EXOC4: variants seen among roughly 807,000 people sequenced by gnomAD.
EXOC4 encodes the protein exocyst complex component 4.
EXOC4 carries 71 observed loss-of-function variants against 107.2 expected under a neutral mutation model. The observed-to-expected ratio is 0.66, with a 90% CI of 0.55 to 0.81. The LOEUF is 0.81. Among genes scored for constraint, EXOC4 ranks in the 30% least tolerant of loss-of-function variants. The pLI is 0.00. For missense variants in EXOC4, 1,108 were observed against 1,189.6 expected (o/e 0.93, Z 1.01); for synonymous variants, 456 against 441.2 (o/e 1.03, Z -0.42).
At chr7:133,750,037 A>G (rs1795764167) in intron 10 of EXOC4, among the ~76,000 whole-genome samples, 1 of 149,074 alleles carries the variant, frequency 6.7e-6, no homozygotes. Context: ...CACTGAGACC[A>G]AAATGGGATT....
chr7:134,009,696 G>A (rs1022567669), intron 17 of EXOC4, among the ~76,000 whole-genome samples: 2 of 152,174 alleles, frequency 1.3e-5, no homozygotes, highest in African/African-American at 4.8e-5. Context: ...ACAAGGAGAA[G>A]TTAAGAACAT....
At chr7:133,982,473 A>C (rs1398263064) in intron 14 of EXOC4, among the ~76,000 whole-genome samples, 2 of 152,064 alleles carry the variant, frequency 1.3e-5, no homozygotes, top group East Asian at 3.9e-4. Context: ...AACGGCATGA[A>C]CCCGGGAGGT....
At chr7:134,012,477 A>G (rs758353992) in intron 17 of EXOC4, among the ~76,000 whole-genome samples, 7 of 152,200 alleles carry the variant, frequency 4.6e-5, no homozygotes, top group Non-Finnish European at 1.0e-4. Context: ...TCAAAGCATG[A>G]AGTTTTTATT....
chr7:133,910,367 T>C (rs1799666243), intron 12 of EXOC4, among the ~76,000 whole-genome samples: 1 of 152,216 alleles, frequency 6.6e-6, no homozygotes, highest in African/African-American at 2.4e-5. Context: ...TCCCCAAGAG[T>C]TACCTTCTGT....
chr7:134,087,830 A>G, the EXOC4 span, among the ~76,000 whole-genome samples: 48 of 152,340 alleles, frequency 3.2e-4, no homozygotes, highest in Non-Finnish European at 6.2e-4. Flanking sequence ...ATTTTTATTA[A>G]GACAAATCAT....
intron 10 of EXOC4, among the ~76,000 whole-genome samples, chr7:133,700,492 A>G (rs1794634640): frequency 2.0e-5 from 3 of 152,166 alleles, no homozygotes; most frequent in South Asian, 4.1e-4. Flanking sequence ...AGTTTTGACA[A>G]ATTCCAAAAT....
chr7:133,501,936 T>TATC (rs991286639), intron 9 of EXOC4, among the ~76,000 whole-genome samples: 1 of 152,178 alleles, frequency 6.6e-6, no homozygotes, highest in African/African-American at 2.4e-5. Flanking sequence ...CTTCAAAGGC[T>TATC]ATCCAATCAA....
At chr7:133,574,580 A>T (rs1274934672) in intron 9 of EXOC4, among the ~76,000 whole-genome samples, 1 of 152,158 alleles carries the variant, frequency 6.6e-6, no homozygotes. Flanking sequence ...TGTCTAGAGG[A>T]TTGCTGAGCT....
intron 17 of EXOC4, 197 bp downstream of exon 17, chr7:134,008,032 G>A: frequency 1.9e-6 from 1 of 520,884 alleles, no homozygotes; most frequent in Non-Finnish European, 3.3e-6. Flanking sequence ...TTGGCAGATA[G>A]TTTTTCCTGA....
At position 133,324,430 on chromosome 7, in the gene EXOC4, C is replaced by T. The variant is rs370295958; in HGVS notation, c.763+7040C>T. Among the ~76,000 whole-genome samples the T allele has an allele frequency of 1.2e-4, 18 of 152,230 alleles. No individual in the cohort carries two copies. In the East Asian group the frequency reaches 2.9e-3, roughly 24 times the overall value. On this transcript the variant is annotated intron_variant, in intron 5 of 17. Coordinates refer to ENST00000253861, the MANE Select transcript of EXOC4 (RefSeq NM_021807.4). ...GTTGTGTCTTTGTTCTCATTGGTTT[C>T]GAAGAACATCTTTATTTCTGCCTTC...
chr7:133,493,103 A>G (rs1037733367), intron 9 of EXOC4, among the ~76,000 whole-genome samples: 1 of 152,212 alleles, frequency 6.6e-6, no homozygotes, highest in African/African-American at 2.4e-5. Context: ...GTGATGACGA[A>G]ATGAGTTAAC....
At chr7:133,408,348 G>C (rs1052763327) in intron 7 of EXOC4, among the ~76,000 whole-genome samples, 1 of 151,458 alleles carries the variant, frequency 6.6e-6, no homozygotes, top group Non-Finnish European at 1.5e-5. Context: ...TGATGGTGGG[G>C]TGGATTGGTG....
chr7:133,598,699 C>G (rs190851580), intron 9 of EXOC4, among the ~76,000 whole-genome samples: 79 of 152,204 alleles, frequency 5.2e-4, no homozygotes, highest in Middle Eastern at 3.4e-3. Context: ...AAAATGCAAA[C>G]TGGGCCGGGT....
At chr7:133,757,093 G>T (rs1490861227) in intron 10 of EXOC4, among the ~76,000 whole-genome samples, 3 of 152,166 alleles carry the variant, frequency 2.0e-5, no homozygotes, top group South Asian at 2.1e-4. Context: ...TTCGTTTTCT[G>T]TGCGTAAGTG....
intron 2 of EXOC4, among the ~76,000 whole-genome samples, chr7:133,277,961 G>C (rs554306470): frequency 6.6e-6 from 1 of 152,142 alleles, no homozygotes; most frequent in Non-Finnish European, 1.5e-5. Flanking sequence ...ATTCAGTAAC[G>C]ATTGGGCTAC....
intron 3 of EXOC4, among the ~76,000 whole-genome samples, chr7:133,292,625 G>C (rs1298386540): frequency 6.6e-6 from 1 of 152,050 alleles, no homozygotes; most frequent in Non-Finnish European, 1.5e-5. Flanking sequence ...TTAAGACCTG[G>C]CTCAAATTTC....
intron 9 of EXOC4, among the ~76,000 whole-genome samples, chr7:133,609,764 T>C (rs978803900): frequency 6.6e-6 from 1 of 152,310 alleles, no homozygotes; most frequent in South Asian, 2.1e-4. Context: ...GAGCCAATGG[T>C]GCACATCTCT....
chr7:133,301,673 G>C (rs1346324886), intron 3 of EXOC4, among the ~76,000 whole-genome samples: 1 of 152,022 alleles, frequency 6.6e-6, no homozygotes, highest in African/African-American at 2.4e-5. Flanking sequence ...TTTGTTTTTT[G>C]TTTATACAGC....
intron 17 of EXOC4, among the ~76,000 whole-genome samples, chr7:134,035,194 C>A (rs1269476757): frequency 6.6e-6 from 1 of 151,572 alleles, no homozygotes; most frequent in African/African-American, 2.4e-5. Context: ...TACAGGCATG[C>A]GCCACCATGC....
Sources: allele counts gnomAD v4.1 joint callset (sites outside exome capture counted in the v4.1 genomes callset), GRCh38; gene constraint gnomAD v4.1.1; transcripts MANE v1.5; gene names NCBI Gene and HGNC (gene_info 2026-07-23, HGNC 2026-07-21).